The following CCDC7 variants were observed in gnomAD, a reference collection of about 807,000 sequenced individuals.
CCDC7 encodes the protein coiled-coil domain containing 7.
In CCDC7, 183 loss-of-function variants were observed where a neutral mutation model predicts 196.9. That is an observed-to-expected ratio of 0.93 (90% CI 0.82 to 1.05). CCDC7 has a LOEUF of 1.05. Ranked by LOEUF, CCDC7 falls within the 50% of genes least tolerant of loss-of-function variation. CCDC7 has a pLI of 0.00. For synonymous variants in CCDC7, 525 were observed against 484.6 expected, an observed-to-expected ratio of 1.08 and a Z score of -1.10; for missense variants, 1,540 against 1,482.2, an observed-to-expected ratio of 1.04 and a Z score of -0.64.
At chr10:32,557,157 T>G (rs1016461037) in intron 13 of CCDC7, among the ~76,000 whole-genome samples, 5 of 152,192 alleles carry the variant, frequency 3.3e-5, no homozygotes, top group Admixed American at 3.3e-4. Context: ...ATTTATTCTG[T>G]AAAGATATTT....
At chr10:32,839,269 C>T (rs111597037) in intron 33 of CCDC7, among the ~76,000 whole-genome samples, 6,446 of 151,734 alleles carry the variant, frequency 0.042, 463 homozygotes, top group African/African-American at 0.15. Flanking sequence ...TCAGGAGACT[C>T]AGCACATAAA....
chr10:32,757,815 C>A (rs532512333), intron 28 of CCDC7, among the ~76,000 whole-genome samples: 2 of 151,956 alleles, frequency 1.3e-5, no homozygotes, highest in South Asian at 4.1e-4. Flanking sequence ...AATCCAGGAG[C>A]TGTTTTATTT....
At chr10:32,854,269 T>C in intron 40 of CCDC7, 131 bp from the exon 42 acceptor site, 1 of 597,634 alleles carries the variant, frequency 1.7e-6, no homozygotes, top group Non-Finnish European at 2.9e-6. Flanking sequence ...GGTAAGCTGC[T>C]TTATCTAAAT....
At chr10:32,609,221 A>G (rs1454480485) in intron 18 of CCDC7, among the ~76,000 whole-genome samples, 1 of 152,132 alleles carries the variant, frequency 6.6e-6, no homozygotes, top group African/African-American at 2.4e-5. Context: ...GTTTCCTGCT[A>G]TTATGGCATT....
intron 41 of CCDC7, among the ~76,000 whole-genome samples, chr10:32,867,920 C>T (rs923668425): frequency 2.6e-5 from 4 of 151,778 alleles, no homozygotes; most frequent in African/African-American, 7.3e-5. Context: ...ACATTAATTC[C>T]TTATCTCCTA....
chr10:32,693,879 C>G (rs143041140), intron 23 of CCDC7, among the ~76,000 whole-genome samples: 194 of 152,274 alleles, frequency 1.3e-3, no homozygotes, highest in African/African-American at 3.6e-3. Flanking sequence ...CTGGCTCCCC[C>G]CTTGTGCTCT....
intron 1 of CCDC7, 57 bp downstream of exon 2, chr10:32,451,978 T>G (rs2033188530): frequency 1.9e-6 from 3 of 1,539,034 alleles, no homozygotes; most frequent in Middle Eastern, 1.7e-4. Flanking sequence ...CCAGGTTTAG[T>G]GATGTGCTAG....
At chr10:32,743,508 G>T (rs1235541246) in intron 28 of CCDC7, among the ~76,000 whole-genome samples, 1 of 152,098 alleles carries the variant, frequency 6.6e-6, no homozygotes, top group African/African-American at 2.4e-5. Context: ...GTATTGCCTA[G>T]GTTTTCTTCT....
intron 28 of CCDC7, among the ~76,000 whole-genome samples, chr10:32,737,693 T>C (rs1364268869): frequency 6.6e-6 from 1 of 152,210 alleles, no homozygotes; most frequent in East Asian, 1.9e-4. Context: ...TCATGAATTT[T>C]ATTGCTCTGT....
At chr10:32,565,715 G>T in intron 14 of CCDC7, 95 bp downstream of exon 15, 2 of 1,362,070 alleles carry the variant, frequency 1.5e-6, no homozygotes, top group Non-Finnish European at 2.0e-6. Context: ...TGTAAGCTAA[G>T]AGGTCTACAT....
chr10:32,569,319 T>C (rs1379696696), intron 15 of CCDC7, among the ~76,000 whole-genome samples: 2 of 152,254 alleles, frequency 1.3e-5, no homozygotes, highest in African/African-American at 4.8e-5. Context: ...CTTATAGTAA[T>C]TTAACTGTAA....
intron 8 of CCDC7, among the ~76,000 whole-genome samples, chr10:32,483,688 G>A (rs2134200499): frequency 6.6e-6 from 1 of 152,236 alleles, no homozygotes; most frequent in Admixed American, 6.5e-5. Context: ...TGTAAGGAAG[G>A]GATCCAGTTT....
chr10:32,847,966 GT>G, intron 38 of CCDC7, 50 bp downstream of exon 39: 1 of 1,157,124 alleles, frequency 8.6e-7, no homozygotes. Flanking sequence ...CTTCTCTGGG[GT>G]TTAAGTATGA....
chr10:32,697,577 A>G (rs1410480369), intron 24 of CCDC7, among the ~76,000 whole-genome samples: 1 of 152,166 alleles, frequency 6.6e-6, no homozygotes, highest in East Asian at 1.9e-4. Flanking sequence ...CACTGCTAGC[A>G]CAGCAATCCG....
At chr10:32,785,380 A>T (rs930712687) in intron 29 of CCDC7, among the ~76,000 whole-genome samples, 1 of 152,242 alleles carries the variant, frequency 6.6e-6, no homozygotes, top group African/African-American at 2.4e-5. Flanking sequence ...GCTGAAGAAA[A>T]CATAATGGAC....
At chr10:32,532,739 C>CT (rs1008772059) in intron 11 of CCDC7, among the ~76,000 whole-genome samples, 2 of 152,020 alleles carry the variant, frequency 1.3e-5, no homozygotes, top group African/African-American at 4.8e-5. Flanking sequence ...GACTTTGTCT[C>CT]TTTTTGCAAT....
chr10:32,573,059 G>A (rs1258335470), intron 16 of CCDC7, among the ~76,000 whole-genome samples: 1 of 151,576 alleles, frequency 6.6e-6, no homozygotes, highest in African/African-American at 2.4e-5. Context: ...TATATTTTTA[G>A]TAGAGACGGG....
chr10:32,815,049 C>T (rs920503430), intron 31 of CCDC7, among the ~76,000 whole-genome samples: 4 of 152,100 alleles, frequency 2.6e-5, no homozygotes, highest in African/African-American at 4.8e-5. Context: ...CACACATACA[C>T]AAACACCCCA....
intron 6 of CCDC7, 90 bp downstream of exon 7, chr10:32,471,320 T>C: frequency 6.9e-7 from 1 of 1,447,784 alleles, no homozygotes; most frequent in Non-Finnish European, 9.3e-7. Flanking sequence ...TCAGATATGA[T>C]GGCTATACAC....
Sources: allele counts gnomAD v4.1 joint callset (sites outside exome capture counted in the v4.1 genomes callset), GRCh38; gene constraint gnomAD v4.1.1; transcripts MANE v1.5; gene names NCBI Gene and HGNC (gene_info 2026-07-23, HGNC 2026-07-21).